RETSAT: variants seen among roughly 807,000 people sequenced by gnomAD.
RETSAT encodes the protein all-trans-retinol 13,14-reductase.
Under a neutral mutation model 61.6 loss-of-function variants are expected in RETSAT, and 35 were observed. The observed-to-expected ratio is 0.57, with a 90% CI of 0.43 to 0.75. RETSAT has a LOEUF of 0.75. Among genes scored for constraint, RETSAT ranks in the 30% least tolerant of loss-of-function variants. The pLI is 0.00. For synonymous variants in RETSAT, 277 were observed against 310.4 expected (o/e 0.89, Z 1.13); for missense variants, 670 against 759.5 (o/e 0.88, Z 1.38).
In RETSAT at chr2:85,354,316, C is replaced by T; in HGVS notation, c.172+20G>A. The T allele has an allele frequency of 1.2e-6, 2 of 1,613,732 alleles. No individual in the cohort carries two copies. The highest frequency in any genetic ancestry group is 1.7e-6 in the Non-Finnish European group (2 of 1,179,892). On this transcript the variant is annotated intron_variant, in intron 1 of 10. Coordinates refer to ENST00000295802, the MANE Select transcript of RETSAT (RefSeq NM_017750.4). ...GAAAGCCTCGAGTGCAGCCCCGGAC[C>T]CCAGGGTCCCTCCTGCTACCTTGTT...
chr2:85,351,939 C>T (rs910671469), intron 1 of RETSAT, 77 bp from the exon 2 acceptor site: 2 of 1,407,252 alleles, frequency 1.4e-6, no homozygotes, highest in East Asian at 4.6e-5. Context: ...CCAAAGAAGA[C>T]TTCTCTAGCT....
At chr2:85,346,212 C>G in intron 5 of RETSAT, 118 bp from the exon 6 acceptor site, 5 of 1,366,586 alleles carry the variant, frequency 3.7e-6, no homozygotes, top group South Asian at 1.4e-5. Context: ...AGTCCAGCTA[C>G]CTAGACTCAG....
chr2:85,350,895 G>A lies in RETSAT; in HGVS notation c.482C>T (p.Pro161Leu), dbSNP rs939324101. The A allele has an allele frequency of 6.2e-7, 1 of 1,613,994 alleles. No individual in the cohort carries two copies. The highest frequency in any genetic ancestry group is 1.3e-5 in the African/African-American group (1 of 74,888). ...CATGGGGTACTCCTTTCGGCCATTG[G>A]GCCCTTCCAGTACCATGATGTCAAA... ...SPFDIMVLEG[P>L]NGRKEYPMYS... The change falls in exon 3 of 11, where the codon CCC (proline) becomes CTC (leucine). Residue 161 changes from proline to leucine, a missense_variant. Transcript: ENST00000295802.
intron 5 of RETSAT, among the ~76,000 whole-genome samples, chr2:85,348,524 C>T (rs1024699830): frequency 2.5e-4 from 37 of 145,228 alleles, no homozygotes; most frequent in Non-Finnish European, 5.2e-4. Flanking sequence ...CTCAGCTACT[C>T]GGGAGGCTGA....
Position 85,341,969 on chromosome 2 carries a change from CTTAATT to C in RETSAT, c.*1267_*1272del. The C allele has an allele frequency of 1.6e-6, 1 of 614,116 alleles. No individual in the cohort carries two copies. Among genetic ancestry groups the C allele is most frequent in the Non-Finnish European group, 2.8e-6 (1 of 359,050 alleles). The allele number at this position is 614,116 out of a possible 1,614,324, so 38.0% of individuals were successfully genotyped here. On this transcript the variant is annotated 3_prime_UTR_variant, in exon 11 of 11. Coordinates refer to ENST00000295802, the MANE Select transcript of RETSAT (RefSeq NM_017750.4). Reference sequence around the variant, plus strand: ...CCCACTTTTTGTAACTTTATAATTACTTAATTTTATTTTTTTAAAGCTTATTTTGGT... The same window carrying C: ...CCCACTTTTTGTAACTTTATAATTACTTATTTTTTTAAAGCTTATTTTGGT...
At chr2:85,349,890 G>T in intron 4 of RETSAT, 150 bp downstream of exon 4, 1 of 724,296 alleles carries the variant, frequency 1.4e-6, no homozygotes, top group Non-Finnish European at 2.3e-6. Context: ...CCAGCAGGTG[G>T]CCAGACTTCT....
chr2:85,351,540 A>G, intron 2 of RETSAT, 140 bp downstream of exon 2: 11 of 860,652 alleles, frequency 1.3e-5, no homozygotes. Flanking sequence ...CTCTGTCTGA[A>G]ACAAACAAAG....
At chr2:85,353,391 G>C (rs1034501169) in intron 1 of RETSAT, among the ~76,000 whole-genome samples, 3 of 152,212 alleles carry the variant, frequency 2.0e-5, no homozygotes, top group African/African-American at 7.2e-5. Flanking sequence ...CGGAGATCGC[G>C]CCACTGCACT....
Position 85,349,550 on chromosome 2 carries a change from C to A in RETSAT, c.831G>T (p.Met277Ile). 1 of 1,614,134 alleles carries A rather than the reference C, an allele frequency of 6.2e-7. No individual in the cohort carries two copies. Among genetic ancestry groups the A allele is most frequent in the South Asian group, 1.1e-5 (1 of 91,088 alleles). Residue 277 changes from methionine to isoleucine, a missense_variant, in exon 5 of 11, where the codon ATG (methionine) becomes ATT (isoleucine). Transcript: ENST00000295802. ...TGTAGTGGTTGACCAGCAGGGCGTG[C>A]ATGGAAAAGGCACTGTGGTTGGGGG... ...GVTPNHSAFS[M>I]HALLVNHYMK...
intron 1 of RETSAT, among the ~76,000 whole-genome samples, chr2:85,352,671 C>T (rs1045012202): frequency 6.6e-6 from 1 of 152,204 alleles, no homozygotes; most frequent in African/African-American, 2.4e-5. Flanking sequence ...CATGAGCCAA[C>T]ACACCAGCCC....
At position 85,343,049 on chromosome 2, in the gene RETSAT, TGCCCCA is replaced by T. The variant is rs1416019703; in HGVS notation, c.*187_*192del. The T allele has an allele frequency of 5.6e-5, 37 of 655,568 alleles. No homozygotes were observed. In the East Asian group the frequency reaches 1.0e-3, roughly 18 times the overall value. The allele number at this position is 655,568 out of a possible 1,614,324, so 40.6% of individuals were successfully genotyped here. On this transcript the variant is annotated 3_prime_UTR_variant, in exon 11 of 11. Coordinates refer to ENST00000295802, the MANE Select transcript of RETSAT (RefSeq NM_017750.4). ...TTATAAAAGGCGTAAAGATCTCACC[TGCCCCA>T]GCTGGAAGCAGTGATTCCATTGCCC...
Position 85,344,446 on chromosome 2 carries a change from G to A in RETSAT, c.1257-98C>T, listed in dbSNP as rs188097018. 2.2e-3 allele frequency: 3,381 copies of A among 1,528,264 alleles called. 38 individuals are homozygous for A. The South Asian group carries it at 0.022, about 10-fold the overall frequency. The allele number at this position is 1,528,264 out of a possible 1,614,324, so 94.7% of individuals were successfully genotyped here. ...CTTATCCCTAGGGACTCCCCACAGG[G>A]GTGAAGCTGAGCCACAGCCTTGGCG... On this transcript the variant is annotated intron_variant, in intron 7 of 10. Transcript: ENST00000295802.
Position 85,343,775 on chromosome 2 carries a change from G to A in RETSAT, c.1557C>T (p.Ser519=), listed in dbSNP as rs371421773. ...CCAGATAGAACTGGTTGGTGAGTGG[G>A]GATCCTGCAGTCACACTCTCCACCT... ...EGKVESVTAG[S]PLTNQFYLAA... Residue 519 remains serine (S), a synonymous_variant, in exon 10 of 11, where the codon TCC becomes TCT. Coordinates refer to ENST00000295802, the MANE Select transcript of RETSAT (RefSeq NM_017750.4). 30 of 1,613,912 alleles carry A rather than the reference G, an allele frequency of 1.9e-5. No individual in the cohort carries two copies. In the African/African-American group the frequency reaches 3.6e-4, roughly 19 times the overall value.
chr2:85,350,639 A>T, intron 3 of RETSAT, 141 bp downstream of exon 3: 1 of 960,706 alleles, frequency 1.0e-6, no homozygotes. Context: ...ACTTGGGTGG[A>T]GGCTGAGCTA....
rs763147750 is a variant in RETSAT, at chr2:85,354,404, T to G, written c.104A>C (p.Glu35Ala). The G allele has an allele frequency of 6.8e-6, 11 of 1,614,086 alleles. No homozygotes were observed. Among genetic ancestry groups the G allele is most frequent in the Non-Finnish European group, 8.5e-6 (10 of 1,180,040 alleles). Residue 35 changes from glutamate to alanine, a missense_variant, in exon 1 of 11, where the codon GAA becomes GCA. Physicochemically the swap from Glu to Ala is moderately radical, Grantham distance 107. Coordinates refer to ENST00000295802, the MANE Select transcript of RETSAT (RefSeq NM_017750.4). ...GGGCGCTGGGGGCCGTTTGACATCT[T>G]CGGAGAAAGGATTCGGGGAGCTGCC... The part of the protein sequence containing the change: ...FSGSSPNPFS[E>A]DVKRPPAPLV...
Position 85,350,145 on chromosome 2 carries a change from A to G in RETSAT, c.694T>C (p.Ser232Pro), listed in dbSNP as rs778715256. Residue 232 changes from serine (S) to proline (P), a missense_variant, in exon 4 of 11, where the codon TCT becomes CCT. Transcript: ENST00000295802. ...TGGGTGGATGCTTGAAGGAATGGAG[A>G]GAAACGAGTCAGCAGCCCACACCTG... ...LDRCGLLTRF[S>P]PFLQASTQSL... 9.3e-6 allele frequency: 15 copies of G among 1,613,990 alleles called. No individual in the cohort carries two copies. The highest frequency in any genetic ancestry group is 1.2e-5 in the Non-Finnish European group (14 of 1,180,008).
chr2:85,345,986 C>T lies in RETSAT; in HGVS notation c.1106G>A (p.Arg369His), dbSNP rs746149342. 8.7e-6 allele frequency: 14 copies of T among 1,614,138 alleles called. No individual in the cohort carries two copies. Among genetic ancestry groups the T allele is most frequent in the South Asian group, 3.3e-5 (3 of 91,084 alleles). Reference protein sequence around the residue: ...TYEHLLPGNARCLPGVKQQLG... With the variant: ...TYEHLLPGNAHCLPGVKQQLG... ...GACCCGCCTTTTACCTGGCAGGCAG[C>T]GGGCGTTCCCCGGCAGTAGGTGTTC... Residue 369 changes from arginine to histidine, a missense_variant, in exon 6 of 11, where the codon CGC (arginine) becomes CAC (histidine). By Grantham distance (29) the Arg-to-His change is conservative (BLOSUM62 0). Transcript: ENST00000295802.
At chr2:85,344,758 G>T (rs754215280) in intron 6 of RETSAT, 26 bp from the exon 7 acceptor site, 8 of 1,611,002 alleles carry the variant, frequency 5.0e-6, no homozygotes, top group Admixed American at 3.3e-5. Context: ...GTTGGTGCCT[G>T]TGTGGACCAT....
At chr2:85,344,496 GA>G (rs763491700) in intron 7 of RETSAT, 97 bp downstream of exon 7, 78 of 1,562,094 alleles carry the variant, frequency 5.0e-5, no homozygotes, top group Middle Eastern at 1.8e-4. Flanking sequence ...GAGCAAATTA[GA>G]AATTGCCTAC....
Sources: allele counts gnomAD v4.1 joint callset (sites outside exome capture counted in the v4.1 genomes callset), GRCh38; gene constraint gnomAD v4.1.1; transcripts MANE v1.5; gene names NCBI Gene and HGNC (gene_info 2026-07-23, HGNC 2026-07-21).